Variants in DNAH17 observed in about 807,000 individuals in gnomAD.
The protein encoded by DNAH17 is dynein axonemal heavy chain 17, also known as axonemal beta dynein heavy chain 17.
DNAH17 carries 376 observed loss-of-function variants against 485.6 expected under a neutral mutation model. That is an observed-to-expected ratio of 0.77 (90% CI 0.71 to 0.84). The LOEUF is 0.84. Ranked by LOEUF, DNAH17 falls within the 40% of genes least tolerant of loss-of-function variation. The pLI is 0.00. For synonymous variants in DNAH17, 3,031 were observed against 2,405.9 expected, an observed-to-expected ratio of 1.26 and a Z score of -7.60; for missense variants, 6,370 against 5,839.3, an observed-to-expected ratio of 1.09 and a Z score of -2.96.
At chr17:78,573,454 C>A (rs956649287) in intron 2 of DNAH17, among the ~76,000 whole-genome samples, 2 of 152,016 alleles carry the variant, frequency 1.3e-5, no homozygotes, top group African/African-American at 4.8e-5. Context: ...TAAAAATTAG[C>A]CAGGCATGGT....
rs376309646 is a variant in DNAH17, at chr17:78,485,689, G to A, written c.7344C>T (p.Ser2448=). 6 of 1,613,896 alleles carry A rather than the reference G, an allele frequency of 3.7e-6. No homozygotes were observed. The African/African-American group carries it at 4.0e-5, about 11-fold the overall frequency. Residue 2448 remains serine (S), a synonymous_variant, in exon 47 of 81, where the codon TCC becomes TCT. Coordinates refer to ENST00000389840, the MANE Select transcript of DNAH17 (RefSeq NM_173628.4). ...RYFMDLLMEK[S]WPVMLVGNAG... ...CGTTCCCCACCAGCATCACCGGCCA[G>A]GACTTCTCCATGAGCAGGTCCATGA... is the stretch of plus-strand genomic sequence containing the variant.
chr17:78,507,468 T>A lies in DNAH17; in HGVS notation c.4574A>T (p.Gln1525Leu). The A allele has an allele frequency of 6.2e-7, 1 of 1,612,250 alleles. No individual in the cohort carries two copies. Among genetic ancestry groups the A allele is most frequent in the Non-Finnish European group, 8.5e-7 (1 of 1,178,282 alleles). ...CCGGGCTGTGCTCACCTTGAATTCC[T>A]GGTTGATGTCGTCAAAGCGCTGGGA... ...GDSQRFDDIN[Q>L]EFKALMEDAV... Residue 1525 changes from glutamine (Q) to leucine (L), a missense_variant, in exon 28 of 81, where the codon CAG becomes CTG. Physicochemically the swap from Gln to Leu is moderately radical, Grantham distance 113. Coordinates refer to ENST00000389840, the MANE Select transcript of DNAH17 (RefSeq NM_173628.4).
At chr17:78,497,230 C>T (rs1280615152) in intron 37 of DNAH17, among the ~76,000 whole-genome samples, 1 of 152,132 alleles carries the variant, frequency 6.6e-6, no homozygotes, top group Non-Finnish European at 1.5e-5. Flanking sequence ...TTGAGGTCTC[C>T]TCTGGAAACC....
chr17:78,481,086 C>G (rs1165769096), intron 48 of DNAH17, among the ~76,000 whole-genome samples: 2 of 139,012 alleles, frequency 1.4e-5, no homozygotes, highest in African/African-American at 5.4e-5. Flanking sequence ...TGAGCCACCA[C>G]GCCCGCCCCC....
chr17:78,518,013 C>T (rs1304020888), intron 25 of DNAH17, among the ~76,000 whole-genome samples: 1 of 152,054 alleles, frequency 6.6e-6, no homozygotes, highest in Non-Finnish European at 1.5e-5. Context: ...CTATATAAAG[C>T]GCTATGTTCA....
At chr17:78,450,919 G>C (rs1166606628) in intron 66 of DNAH17, 73 bp from the exon 67 acceptor site, 48 of 1,567,334 alleles carry the variant, frequency 3.1e-5, no homozygotes, top group Non-Finnish European at 3.7e-5. Context: ...CCCTCAGGTG[G>C]CCATGTAGCT....
rs944016778 is a variant in DNAH17, at chr17:78,571,464, G to A, written c.733-86C>T. On this transcript the variant is annotated intron_variant, in intron 4 of 80. Coordinates refer to ENST00000389840, the MANE Select transcript of DNAH17 (RefSeq NM_173628.4). ...CCTGACCTTGTGGCTGGCTGGAGCT[G>A]CAGAATTTACGCAGGTCATCAGAGC... The A allele has an allele frequency of 1.4e-5, 21 of 1,480,444 alleles. 1 individual carries two copies. In the African/African-American group the frequency reaches 2.8e-4, roughly 20 times the overall value. 91.7% of individuals were successfully genotyped at this position (1,480,444 alleles called of 1,614,324 possible).
chr17:78,430,462 C>A (rs2086634130), intron 75 of DNAH17, among the ~76,000 whole-genome samples: 1 of 152,220 alleles, frequency 6.6e-6, no homozygotes, highest in African/African-American at 2.4e-5. Context: ...ATCACTTCCA[C>A]TGTGCGCTGG....
chr17:78,503,571 T>A (rs2146727357), intron 31 of DNAH17, among the ~76,000 whole-genome samples: 1 of 152,140 alleles, frequency 6.6e-6, no homozygotes, highest in South Asian at 2.1e-4. Context: ...CACTGCAGCC[T>A]CCACCTGTGG....
Position 78,529,642 on chromosome 17 carries a change from G to T in DNAH17, c.3337C>A (p.Pro1113Thr), listed in dbSNP as rs752943178. The T allele has an allele frequency of 1.2e-6, 2 of 1,613,944 alleles. No individual in the cohort carries two copies. Among genetic ancestry groups the T allele is most frequent in the Admixed American group, 1.7e-5 (1 of 60,024 alleles). The change falls in exon 22 of 81, where the codon CCC (proline) becomes ACC (threonine). Residue 1113 changes from proline (P) to threonine (T), a missense_variant. Pro to Thr is a conservative substitution (Grantham distance 38). Transcript: ENST00000389840. ...CCATCATAGTCCCCCTCCTTGAGGG[G>T]CTTGGTCAAGCCCATTCTGGCGACT... ...MKVARMGLTK[P>T]LKEGDYDGLV...
At chr17:78,564,099 T>G (rs1041612695) in intron 11 of DNAH17, among the ~76,000 whole-genome samples, 1 of 151,980 alleles carries the variant, frequency 6.6e-6, no homozygotes, top group Non-Finnish European at 1.5e-5. Context: ...AGAGGTCGGG[T>G]TGGGTTTCTT....
chr17:78,466,565 C>A, intron 56 of DNAH17, 90 bp downstream of exon 56: 1 of 1,361,082 alleles, frequency 7.3e-7, no homozygotes. Context: ...ACCCTAATCC[C>A]AGCGCCCTTT....
chr17:78,510,756 C>CCCCG (rs1568178425), intron 26 of DNAH17: 11 of 423,300 alleles, frequency 2.6e-5, no homozygotes, highest in South Asian at 1.6e-4. Flanking sequence ...TTGCGGCCCC[C>CCCCG]CCGCAAAATT....
At position 78,532,632 on chromosome 17, in the gene DNAH17, C is replaced by G; in HGVS notation, c.2964G>C (p.Glu988Asp). 6.2e-7 allele frequency: 1 copy of G among 1,602,196 alleles called. No individual in the cohort carries two copies. ...TGTCCGTCCAGAGGTAGGAGTACCT[C>G]TCAAAGGAATCCTGGTACTCCTCGG... is the stretch of plus-strand genomic sequence containing the variant. ...KEAEEYQDSFERYSYLWTDNL... is the reference protein window; with the variant it reads ...KEAEEYQDSFDRYSYLWTDNL... The change falls in exon 20 of 81, where the codon GAG becomes GAC. Residue 988 changes from glutamate to aspartate, a missense_variant. Physicochemically the swap from Glu to Asp is conservative, Grantham distance 45. Transcript: ENST00000389840.
chr17:78,485,106 A>G, intron 47 of DNAH17, 73 bp from the exon 48 acceptor site: 1 of 1,488,904 alleles, frequency 6.7e-7, no homozygotes, highest in East Asian at 2.4e-5. Context: ...GAGGGGCGCT[A>G]CCTGCTTCCC....
chr17:78,510,340 G>T (rs2090599365), intron 27 of DNAH17, 44 bp downstream of exon 27: 2 of 1,602,238 alleles, frequency 1.2e-6, no homozygotes, highest in Non-Finnish European at 1.7e-6. Flanking sequence ...GGCAGTTTCA[G>T]GCTGATCCCA....
chr17:78,451,989 G>C lies in DNAH17; in HGVS notation c.10530-316C>G, dbSNP rs549504820. Among the ~76,000 whole-genome samples, 4 of 151,962 alleles carry C rather than the reference G, an allele frequency of 2.6e-5. No individual in the cohort carries two copies. The South Asian group carries it at 6.2e-4, about 24-fold the overall frequency. On this transcript the variant is annotated intron_variant, in intron 65 of 80. Coordinates refer to ENST00000389840, the MANE Select transcript of DNAH17 (RefSeq NM_173628.4). The stretch of plus-strand genomic sequence containing the variant: ...AAACCTTCTGCTTGGCCTCCACCCA[G>C]ACTCATTTACAACATTCGTCCATTC...
At position 78,572,920 on chromosome 17, in the gene DNAH17, C is replaced by T. The variant is rs372447898; in HGVS notation, c.346-26G>A. ...CTAAAAGGAAACACTTCTGTGGTTC[C>T]GCCCCCTGTGCCTTCACCAGCTCGG... On this transcript the variant is annotated intron_variant, in intron 2 of 80. Transcript: ENST00000389840. The T allele has an allele frequency of 5.8e-5, 93 of 1,602,050 alleles. No homozygotes were observed. In the African/African-American group the frequency reaches 9.9e-4, roughly 17 times the overall value.
intron 56 of DNAH17, 109 bp from the exon 57 acceptor site, chr17:78,463,186 C>G (rs187976816): frequency 1.7e-5 from 17 of 975,574 alleles, no homozygotes; most frequent in African/African-American, 8.1e-5. Context: ...TGAGACCGCT[C>G]TCAACCTCAG....
Sources: allele counts gnomAD v4.1 joint callset (sites outside exome capture counted in the v4.1 genomes callset), GRCh38; gene constraint gnomAD v4.1.1; transcripts MANE v1.5; gene names NCBI Gene and HGNC (gene_info 2026-07-23, HGNC 2026-07-21).